The following PDE1C variants were observed in gnomAD, a reference collection of about 807,000 sequenced individuals.
The protein encoded by PDE1C is phosphodiesterase 1C, also known as dual specificity calcium/calmodulin-dependent 3',5'-cyclic nucleotide phosphodiesterase 1C.
Under a neutral mutation model 93.1 loss-of-function variants are expected in PDE1C, and 62 were observed. That is an observed-to-expected ratio of 0.67 (90% CI 0.54 to 0.82). PDE1C has a LOEUF of 0.82. Among genes scored for constraint, PDE1C ranks in the 40% least tolerant of loss-of-function variants. The probability of loss-of-function intolerance (pLI) is 0.00; values close to 1 mark genes in which losing one functional copy is unlikely to be tolerated. For missense variants in PDE1C, 742 were observed against 884.6 expected, an observed-to-expected ratio of 0.84 and a Z score of 2.04; for synonymous variants, 325 against 310.1, an observed-to-expected ratio of 1.05 and a Z score of -0.50.
At chr7:31,781,066 G>T (rs1273872969) in intron 16 of PDE1C, among the ~76,000 whole-genome samples, 1 of 152,144 alleles carries the variant, frequency 6.6e-6, no homozygotes, top group Non-Finnish European at 1.5e-5. Flanking sequence ...TCAACTAGAG[G>T]GCAATGAATC....
At chr7:32,204,355 T>C (rs539814657) in intron 2 of PDE1C, among the ~76,000 whole-genome samples, 324 of 152,338 alleles carry the variant, frequency 2.1e-3, no homozygotes, top group Non-Finnish European at 2.2e-3. Context: ...GGAGGACTTT[T>C]GTATTTTCTT....
the PDE1C span, among the ~76,000 whole-genome samples, chr7:31,733,363 G>A: frequency 6.6e-6 from 1 of 152,194 alleles, no homozygotes; most frequent in Non-Finnish European, 1.5e-5. Context: ...AGGGTGGTGA[G>A]GTGGTGGTAA....
chr7:31,959,911 G>A (rs1257589261), intron 2 of PDE1C, among the ~76,000 whole-genome samples: 2 of 151,844 alleles, frequency 1.3e-5, no homozygotes, highest in South Asian at 2.1e-4. Context: ...TGTCACCCAG[G>A]CTGGAGTGCA....
chr7:32,247,447 T>C (rs1344308082), intron 1 of PDE1C, among the ~76,000 whole-genome samples: 1 of 122,200 alleles, frequency 8.2e-6, no homozygotes, highest in Non-Finnish European at 1.8e-5. Flanking sequence ...ATCCCAAAGG[T>C]GATGGGTGGG....
intron 3 of PDE1C, among the ~76,000 whole-genome samples, chr7:32,158,915 G>A (rs1030493892): frequency 3.9e-5 from 6 of 152,158 alleles, no homozygotes; most frequent in Non-Finnish European, 8.8e-5. Flanking sequence ...AACTTTACCT[G>A]CCTCTTGTTC....
chr7:32,374,261 A>AAGAAAGAG (rs2128088439), intron 1 of PDE1C, among the ~76,000 whole-genome samples: 1 of 99,358 alleles, frequency 1.0e-5, no homozygotes, highest in East Asian at 2.6e-4. Flanking sequence ...GAAAGGAAGA[A>AAGAAAGAG]AGAAAGAAAG....
intron 1 of PDE1C, among the ~76,000 whole-genome samples, chr7:32,060,469 T>C (rs1794678572): frequency 1.3e-5 from 2 of 152,338 alleles, no homozygotes; most frequent in Admixed American, 6.5e-5. Flanking sequence ...GCATCATCTA[T>C]GTAAGCCTCC....
chr7:32,076,835 A>AT (rs962177094), intron 3 of PDE1C, among the ~76,000 whole-genome samples: 27 of 151,354 alleles, frequency 1.8e-4, no homozygotes, highest in Admixed American at 2.6e-4. Context: ...TACCCCACCA[A>AT]TTTTTTTTAA....
At chr7:32,008,394 T>C (rs1274698542) in intron 2 of PDE1C, among the ~76,000 whole-genome samples, 2 of 152,136 alleles carry the variant, frequency 1.3e-5, no homozygotes, top group African/African-American at 2.4e-5. Context: ...CCATTAAGGA[T>C]CCTTTCCACA....
intron 3 of PDE1C, among the ~76,000 whole-genome samples, chr7:32,163,291 A>G (rs1020388649): frequency 3.3e-5 from 5 of 152,182 alleles, no homozygotes; most frequent in African/African-American, 1.2e-4. Context: ...CCATATCATC[A>G]GCCAGACTGC....
intron 16 of PDE1C, chr7:31,787,551 A>C (rs975068271): frequency 3.6e-4 from 55 of 152,354 alleles, no homozygotes; most frequent in African/African-American, 1.2e-3. Flanking sequence ...TCAAGGGCTA[A>C]CTTGTCACAT....
intron 2 of PDE1C, among the ~76,000 whole-genome samples, chr7:32,006,656 G>C (rs1291237339): frequency 1.3e-5 from 2 of 152,168 alleles, no homozygotes; most frequent in African/African-American, 4.8e-5. Flanking sequence ...TCTACTCATA[G>C]GCACAGCAGG....
chr7:31,934,579 C>T (rs1416514379), intron 2 of PDE1C, among the ~76,000 whole-genome samples: 1 of 150,708 alleles, frequency 6.6e-6, no homozygotes, highest in Non-Finnish European at 1.5e-5. Context: ...AAAAAAATCA[C>T]ACTAGCTTAC....
chr7:32,004,607 T>C (rs1352584558), intron 2 of PDE1C, among the ~76,000 whole-genome samples: 1 of 152,194 alleles, frequency 6.6e-6, no homozygotes, highest in Non-Finnish European at 1.5e-5. Flanking sequence ...CAGATAAGCC[T>C]GGCAGAGAGC....
chr7:31,651,237 C>A, the PDE1C span: 1 of 1,613,446 alleles, frequency 6.2e-7, no homozygotes, highest in African/African-American at 1.3e-5. Context: ...GACAGCAGGC[C>A]CTCTTTTCCA....
the PDE1C span, among the ~76,000 whole-genome samples, chr7:31,662,012 T>C: frequency 2.0e-5 from 3 of 152,212 alleles, no homozygotes; most frequent in Non-Finnish European, 4.4e-5. Flanking sequence ...ATTGGATTCA[T>C]CATTTCCTTC....
intron 3 of PDE1C, among the ~76,000 whole-genome samples, chr7:32,080,012 G>A (rs948933601): frequency 9.9e-5 from 15 of 152,214 alleles, no homozygotes; most frequent in Admixed American, 2.6e-4. Context: ...GAGACAGCCA[G>A]TTAACAGGCA....
At chr7:32,399,351 A>T (rs1784900060) in intron 1 of PDE1C, among the ~76,000 whole-genome samples, 1 of 152,214 alleles carries the variant, frequency 6.6e-6, no homozygotes, top group Non-Finnish European at 1.5e-5. Context: ...CCACAACAAA[A>T]TGCCATAGAC....
At chr7:32,187,288 C>G (rs990623339) in intron 2 of PDE1C, among the ~76,000 whole-genome samples, 1 of 152,042 alleles carries the variant, frequency 6.6e-6, no homozygotes, top group Non-Finnish European at 1.5e-5. Flanking sequence ...GCAGCCATGC[C>G]TGGCTGATAG....
Sources: allele counts gnomAD v4.1 joint callset (sites outside exome capture counted in the v4.1 genomes callset), GRCh38; gene constraint gnomAD v4.1.1; transcripts MANE v1.5; gene names NCBI Gene and HGNC (gene_info 2026-07-23, HGNC 2026-07-21).